Variants in PPP2R2B observed in about 807,000 individuals in gnomAD.
The protein encoded by PPP2R2B is serine/threonine-protein phosphatase 2A 55 kDa regulatory subunit B beta isoform.
A neutral mutation model predicts 46.0 loss-of-function variants in PPP2R2B; 5 were observed. The observed-to-expected ratio is 0.11, with a 90% CI of 0.06 to 0.23. The LOEUF (loss-of-function observed/expected upper bound fraction) is 0.23, where lower values mean the gene tolerates loss of function less well. Among genes scored for constraint, PPP2R2B ranks in the 10% least tolerant of loss-of-function variants. PPP2R2B has a pLI of 1.00. For synonymous variants in PPP2R2B, 215 were observed against 206.7 expected (o/e 1.04, Z -0.34); for missense variants, 367 against 575.0 (o/e 0.64, Z 3.70).
intron 1 of PPP2R2B, among the ~76,000 whole-genome samples, chr5:146,903,391 C>CTTTTT (rs58777308): frequency 8.3e-6 from 1 of 120,852 alleles, no homozygotes; most frequent in Non-Finnish European, 1.7e-5. Context: ...CTTTCTTTCT[C>CTTTTT]TTTTTTTTTT....
intron 6 of PPP2R2B, among the ~76,000 whole-genome samples, chr5:146,639,046 C>T (rs1164154945): frequency 6.6e-6 from 1 of 152,126 alleles, no homozygotes; most frequent in South Asian, 2.1e-4. Flanking sequence ...TTTCCTTATC[C>T]TCATTTTTTC....
At chr5:147,029,413 T>G (rs1755676564) in intron 1 of PPP2R2B, among the ~76,000 whole-genome samples, 1 of 152,220 alleles carries the variant, frequency 6.6e-6, no homozygotes, top group Admixed American at 6.5e-5. Context: ...TCCATTGCTC[T>G]GCAATGCCAT....
At chr5:146,730,909 G>A (rs1009597945) in intron 2 of PPP2R2B, among the ~76,000 whole-genome samples, 4 of 152,270 alleles carry the variant, frequency 2.6e-5, no homozygotes, top group African/African-American at 7.2e-5. Flanking sequence ...AGTCTGACCA[G>A]GAAATGTAGC....
At chr5:146,644,261 A>AAAAAAAAAAAAAAG in intron 6 of PPP2R2B, among the ~76,000 whole-genome samples, 1 of 76,108 alleles carries the variant, frequency 1.3e-5, no homozygotes, top group Non-Finnish European at 2.5e-5. Flanking sequence ...AAAAAAAAAA[A>AAAAAAAAAAAAAAG]AAGAAGAAGA....
At chr5:146,946,846 G>A (rs957780727) in intron 1 of PPP2R2B, among the ~76,000 whole-genome samples, 10 of 151,988 alleles carry the variant, frequency 6.6e-5, no homozygotes, top group South Asian at 2.1e-4. Flanking sequence ...TTCTAAAGTG[G>A]CTGCCAATAG....
intron 2 of PPP2R2B, among the ~76,000 whole-genome samples, chr5:146,848,669 T>G (rs1760154278): frequency 6.6e-6 from 1 of 152,162 alleles, no homozygotes; most frequent in Non-Finnish European, 1.5e-5. Context: ...GAAGAAATGT[T>G]TGTCAGGTTT....
At chr5:146,902,863 A>G (rs1461483046) in intron 1 of PPP2R2B, among the ~76,000 whole-genome samples, 2 of 152,248 alleles carry the variant, frequency 1.3e-5, no homozygotes, top group African/African-American at 4.8e-5. Flanking sequence ...ATTATTTTCA[A>G]TGCACTAATT....
intron 1 of PPP2R2B, among the ~76,000 whole-genome samples, chr5:147,019,599 T>TG (rs1181683122): frequency 3.3e-5 from 5 of 152,156 alleles, no homozygotes; most frequent in East Asian, 3.9e-4. Context: ...TGTTTTGTTT[T>TG]TTTTTAAAAA....
chr5:147,065,546 A>G (rs1054843259), intron 2 of PPP2R2B, among the ~76,000 whole-genome samples: 3 of 152,128 alleles, frequency 2.0e-5, no homozygotes, highest in African/African-American at 7.2e-5. Flanking sequence ...GGAGGTGGTC[A>G]AGACAATAAG....
intron 1 of PPP2R2B, among the ~76,000 whole-genome samples, chr5:146,992,936 T>G (rs933245931): frequency 6.6e-6 from 1 of 152,162 alleles, no homozygotes; most frequent in Non-Finnish European, 1.5e-5. Context: ...ATGAAAAATC[T>G]TTTTTATTTT....
At chr5:146,849,087 C>G (rs1760185088) in intron 2 of PPP2R2B, among the ~76,000 whole-genome samples, 1 of 152,014 alleles carries the variant, frequency 6.6e-6, no homozygotes, top group East Asian at 1.9e-4. Context: ...GCTCCAGACT[C>G]ATATACTTCC....
intron 1 of PPP2R2B, among the ~76,000 whole-genome samples, chr5:146,934,580 T>TAAG (rs1554078037): frequency 2.9e-5 from 1 of 34,622 alleles, no homozygotes; most frequent in African/African-American, 1.2e-4. Context: ...TAGTTTTTCA[T>TAAG]AAGAAAAAAA....
chr5:146,899,877 T>C (rs1360301018), intron 1 of PPP2R2B, among the ~76,000 whole-genome samples: 2 of 152,208 alleles, frequency 1.3e-5, no homozygotes, highest in African/African-American at 4.8e-5. Context: ...AACTACATAA[T>C]CATTGTGAAC....
chr5:146,905,868 G>A (rs1408026941), intron 1 of PPP2R2B, among the ~76,000 whole-genome samples: 1 of 152,134 alleles, frequency 6.6e-6, no homozygotes, highest in Non-Finnish European at 1.5e-5. Flanking sequence ...AAAATAGCAG[G>A]AGTCAGCTTT....
Position 146,650,758 on chromosome 5 carries a change from C to T in PPP2R2B, c.448-34G>A, listed in dbSNP as rs368164267. On this transcript the variant is annotated intron_variant, in intron 5 of 9. Transcript: ENST00000394411. ...CAAGAGAAACAAATCACTTCAGAAC[C>T]AAAGATCTTCCATAGGAAAAGAGTG... 9 of 1,583,256 alleles carry T rather than the reference C, an allele frequency of 5.7e-6. No individual in the cohort carries two copies. The African/African-American group carries it at 1.1e-4, about 19-fold the overall frequency.
intron 1 of PPP2R2B, among the ~76,000 whole-genome samples, chr5:146,964,732 A>G (rs919134255): frequency 1.3e-5 from 2 of 151,996 alleles, no homozygotes; most frequent in Admixed American, 1.3e-4. Context: ...TCACCGTGTT[A>G]GCCAGGATGG....
At chr5:146,964,216 G>A (rs971312740) in intron 1 of PPP2R2B, among the ~76,000 whole-genome samples, 2 of 152,254 alleles carry the variant, frequency 1.3e-5, no homozygotes, top group Middle Eastern at 6.8e-3. Context: ...TTAAGTTGGT[G>A]TTTCCCAGTT....
intron 1 of PPP2R2B, among the ~76,000 whole-genome samples, chr5:147,025,316 C>A (rs1237673249): frequency 6.6e-6 from 1 of 151,790 alleles, no homozygotes; most frequent in African/African-American, 2.4e-5. Context: ...CAAATGGTTG[C>A]AATAATAAAT....
At chr5:146,672,538 A>T (rs904583036) in intron 5 of PPP2R2B, among the ~76,000 whole-genome samples, 1 of 152,156 alleles carries the variant, frequency 6.6e-6, no homozygotes, top group Non-Finnish European at 1.5e-5. Context: ...AGACACATAA[A>T]GGGTAAGCAG....
Sources: allele counts gnomAD v4.1 joint callset (sites outside exome capture counted in the v4.1 genomes callset), GRCh38; gene constraint gnomAD v4.1.1; transcripts MANE v1.5; gene names NCBI Gene and HGNC (gene_info 2026-07-23, HGNC 2026-07-21).